Variants in RASA3 observed in about 807,000 individuals in gnomAD.
The protein encoded by RASA3 is ras GTPase-activating protein 3.
A neutral mutation model predicts 110.0 loss-of-function variants in RASA3; 73 were observed. That is an observed-to-expected ratio of 0.66 (90% CI 0.55 to 0.81). The LOEUF is 0.81. RASA3 is among the 30% of genes least tolerant of loss of function. RASA3 has a pLI of 0.00. For synonymous variants in RASA3, 500 were observed against 451.4 expected, an observed-to-expected ratio of 1.11 and a Z score of -1.37; for missense variants, 976 against 1,113.2, an observed-to-expected ratio of 0.88 and a Z score of 1.75.
At chr13:114,117,954 G>C (rs1182624257) in intron 1 of RASA3, among the ~76,000 whole-genome samples, 1 of 151,976 alleles carries the variant, frequency 6.6e-6, no homozygotes, top group African/African-American at 2.4e-5. Flanking sequence ...GCACGTGTGA[G>C]GGGTGCATGC....
intron 2 of RASA3, among the ~76,000 whole-genome samples, chr13:114,068,497 A>C (rs1234767910): frequency 1.3e-5 from 2 of 152,254 alleles, no homozygotes; most frequent in African/African-American, 2.4e-5. Flanking sequence ...GGAGAGATTT[A>C]GGTTCTGTTG....
At chr13:114,062,011 C>T (rs1268207769) in intron 2 of RASA3, among the ~76,000 whole-genome samples, 4 of 152,060 alleles carry the variant, frequency 2.6e-5, no homozygotes, top group Non-Finnish European at 5.9e-5. Context: ...GCAGAAAAGG[C>T]GGGGGTCGGA....
At chr13:114,043,558 C>T (rs1430322786) in intron 3 of RASA3, among the ~76,000 whole-genome samples, 1 of 152,122 alleles carries the variant, frequency 6.6e-6, no homozygotes, top group Admixed American at 6.5e-5. Flanking sequence ...GCCTGGTGAC[C>T]TCATCGGCTC....
At chr13:114,124,913 A>G (rs1423576135) in intron 1 of RASA3, among the ~76,000 whole-genome samples, 1 of 151,952 alleles carries the variant, frequency 6.6e-6, no homozygotes, top group African/African-American at 2.4e-5. Flanking sequence ...TTGCACATTG[A>G]TGCATAATAG....
chr13:114,120,542 C>T lies in RASA3; in HGVS notation c.55+11893G>A, dbSNP rs373497935. ...GCCAGACGTCGGTCAGGGCCCCTCCCTCTCTCCAGCCAGGCGTCGATCAGG... is the reference window on the plus strand; with the variant it reads ...GCCAGACGTCGGTCAGGGCCCCTCCTTCTCTCCAGCCAGGCGTCGATCAGG... On this transcript the variant is annotated intron_variant, in intron 1 of 23. Coordinates refer to ENST00000334062, the MANE Select transcript of RASA3 (RefSeq NM_007368.4). Among the ~76,000 whole-genome samples, 158 of 106,830 alleles carry T rather than the reference C, an allele frequency of 1.5e-3. 5 individuals carry two copies. In the South Asian group the frequency reaches 0.03, roughly 21 times the overall value. 70.1% of individuals were successfully genotyped at this position (106,830 alleles called of 152,430 possible).
chr13:114,038,709 T>G (rs2054329938), intron 4 of RASA3, among the ~76,000 whole-genome samples: 1 of 138,872 alleles, frequency 7.2e-6, no homozygotes, highest in African/African-American at 2.6e-5. Context: ...GGCAAGACGG[T>G]TCCCAGAGGA....
rs1170898239 is a variant in RASA3, at chr13:114,018,154, C to T, written c.1041G>A (p.Arg347=). Residue 347 remains arginine (R), a synonymous_variant, in exon 11 of 24, where the codon AGG becomes AGA. Transcript: ENST00000334062. The stretch of plus-strand genomic sequence containing the variant: ...CGATGGCACTGATGAATGGCACCAC[C>T]CTGCCATAGTGTAGGAAGAGCCGCA... ...PLVRLFLHYG[R]VVPFISAIAS... The T allele has an allele frequency of 2.6e-6, 4 of 1,550,654 alleles. No individual in the cohort carries two copies. In the South Asian group the frequency reaches 3.6e-5, roughly 14 times the overall value.
intron 18 of RASA3, among the ~76,000 whole-genome samples, chr13:114,001,816 C>A (rs895159910): frequency 2.6e-5 from 4 of 152,224 alleles, no homozygotes; most frequent in African/African-American, 9.6e-5. Flanking sequence ...ACAAAACCCA[C>A]ACCTGTGTTG....
chr13:114,021,640 C>T (rs1045986554), intron 8 of RASA3, 132 bp from the exon 9 acceptor site: 22 of 690,864 alleles, frequency 3.2e-5, no homozygotes, highest in African/African-American at 2.8e-4. Context: ...CATCAAGGCT[C>T]AGCCCACAGG....
chr13:113,996,768 G>A lies in RASA3; in HGVS notation c.1933-29C>T, dbSNP rs372051906. 9.9e-5 allele frequency: 157 copies of A among 1,589,360 alleles called. 1 individual carries two copies. The highest frequency in any genetic ancestry group is 1.2e-4 in the Non-Finnish European group (140 of 1,159,434). ...AGGACACAGGTGGGCTCAGGACAGCGCACATGAGGTCTCGTGGCTGAGCAC... is the reference window on the plus strand; with the variant it reads ...AGGACACAGGTGGGCTCAGGACAGCACACATGAGGTCTCGTGGCTGAGCAC... On this transcript the variant is annotated intron_variant, in intron 20 of 23. Transcript: ENST00000334062.
chr13:114,015,950 G>C (rs1316140028), intron 13 of RASA3, among the ~76,000 whole-genome samples: 1 of 152,164 alleles, frequency 6.6e-6, no homozygotes, highest in Non-Finnish European at 1.5e-5. Context: ...CACTCCAGGG[G>C]AGGAAGAGCT....
In RASA3 at chr13:114,014,889, C is replaced by A. The variant is rs1222097039; in HGVS notation, c.1405+320G>T. On this transcript the variant is annotated intron_variant, in intron 14 of 23. Transcript: ENST00000334062. This position sits in a 1 kb window ranked among gnomAD's most constrained non-coding sequence, Gnocchi z 4.5. The stretch of plus-strand genomic sequence containing the variant: ...AGCCTGGCCACCCTTCCCGGCCCCC[C>A]CAGAGACCACTGTGGTCGTGAACTC... Among the ~76,000 whole-genome samples, 1 of 152,102 alleles carries A rather than the reference C, an allele frequency of 6.6e-6. No individual in the cohort carries two copies. The highest frequency in any genetic ancestry group is 1.5e-5 in the Non-Finnish European group (1 of 68,006).
intron 1 of RASA3, among the ~76,000 whole-genome samples, chr13:114,116,825 G>A (rs1446075657): frequency 1.5e-5 from 2 of 133,942 alleles, no homozygotes; most frequent in East Asian, 2.3e-4. Context: ...AAGAGAGCAC[G>A]TGTGTGAGGG....
At chr13:114,013,060 C>T (rs2053675654) in intron 15 of RASA3, 82 bp downstream of exon 15, 5 of 1,202,278 alleles carry the variant, frequency 4.2e-6, no homozygotes, top group Non-Finnish European at 5.9e-6. Context: ...CGGTCGGCCC[C>T]CTACAGCCAC....
rs1218224508 is a variant in RASA3, at chr13:113,979,307, T to C, written c.*40A>G. 2 of 1,519,062 alleles carry C rather than the reference T, an allele frequency of 1.3e-6. No homozygotes were observed. The highest frequency in any genetic ancestry group is 2.2e-5 in the South Asian group (2 of 89,176). 94.1% of individuals were successfully genotyped at this position (1,519,062 alleles called of 1,614,324 possible). ...CCCTCCCAAAGGCTGCGGCTTTGCATGGGCAGCTTGCTGGCGCCACTGGGC... is the reference window on the plus strand; with the variant it reads ...CCCTCCCAAAGGCTGCGGCTTTGCACGGGCAGCTTGCTGGCGCCACTGGGC... On this transcript the variant is annotated 3_prime_UTR_variant, in exon 24 of 24. Coordinates refer to ENST00000334062, the MANE Select transcript of RASA3 (RefSeq NM_007368.4).
At chr13:114,055,675 G>A (rs1255090436) in intron 2 of RASA3, among the ~76,000 whole-genome samples, 2 of 152,244 alleles carry the variant, frequency 1.3e-5, no homozygotes, top group Non-Finnish European at 2.9e-5. Context: ...AGGCCTAAGT[G>A]ATGGCAGGAA....
At chr13:114,107,006 C>A (rs1365998235) in intron 1 of RASA3, among the ~76,000 whole-genome samples, 1 of 152,252 alleles carries the variant, frequency 6.6e-6, no homozygotes, top group African/African-American at 2.4e-5. Flanking sequence ...CCCCCCAGAG[C>A]CACATCTGGC....
chr13:113,991,953 TCA>T (rs751211111), intron 22 of RASA3, among the ~76,000 whole-genome samples: 96 of 145,392 alleles, frequency 6.6e-4, no homozygotes, highest in Admixed American at 8.7e-4. Flanking sequence ...TCACACACAC[TCA>T]CACACGTCCA....
At chr13:114,033,359 C>G (rs1186760118) in intron 4 of RASA3, among the ~76,000 whole-genome samples, 1 of 115,596 alleles carries the variant, frequency 8.7e-6, no homozygotes, top group Non-Finnish European at 1.7e-5. Flanking sequence ...CCACACCCCA[C>G]AGCACCCCTA....
Sources: allele counts gnomAD v4.1 joint callset (sites outside exome capture counted in the v4.1 genomes callset), GRCh38; gene constraint gnomAD v4.1.1; non-coding constraint Gnocchi (gnomAD v3.1); transcripts MANE v1.5; gene names NCBI Gene and HGNC (gene_info 2026-07-23, HGNC 2026-07-21).